The following HIVEP3 variants were observed in gnomAD, a reference collection of about 807,000 sequenced individuals.
HIVEP3 encodes HIVEP zinc finger 3.
Under a neutral mutation model 152.8 loss-of-function variants are expected in HIVEP3, and 49 were observed. That is an observed-to-expected ratio of 0.32 (90% CI 0.26 to 0.41). The LOEUF (loss-of-function observed/expected upper bound fraction) is 0.41. Ranked by LOEUF, HIVEP3 falls within the 10% of genes least tolerant of loss-of-function variation. The probability of loss-of-function intolerance (pLI) is 1.00; values close to 1 mark genes in which losing one functional copy is unlikely to be tolerated. For synonymous variants in HIVEP3, 1,269 were observed against 1,289.0 expected, an observed-to-expected ratio of 0.98 and a Z score of 0.33; for missense variants, 2,790 against 3,103.3, an observed-to-expected ratio of 0.90 and a Z score of 2.40.
Position 41,787,523 on chromosome 1 carries a change from T to TTTTC in HIVEP3, c.-800-86532_-800-86529dup, listed in dbSNP as rs992777095. On this transcript the variant is annotated intron_variant, in intron 1 of 8. Coordinates refer to ENST00000372583, the MANE Select transcript of HIVEP3 (RefSeq NM_024503.5). ...CATGCAAAGTGATTTTCTCTTTTCC[T>TTTTC]TTTCTTTCTTTCTTTTTTTTTTTTT... Among the ~76,000 whole-genome samples, 186 of 145,596 alleles carry TTTTC rather than the reference T, an allele frequency of 1.3e-3. 1 individual carries two copies. The highest frequency in any genetic ancestry group is 1.3e-3 in the Non-Finnish European group (87 of 67,622).
At chr1:41,982,384 C>T (rs1570865986) in intron 1 of HIVEP3, among the ~76,000 whole-genome samples, 1 of 152,300 alleles carries the variant, frequency 6.6e-6, no homozygotes, top group East Asian at 1.9e-4. Flanking sequence ...TGCTGTTGTA[C>T]TCAAAGGTTC....
chr1:42,007,557 G>T (rs1463476683), intron 1 of HIVEP3, among the ~76,000 whole-genome samples: 1 of 152,184 alleles, frequency 6.6e-6, no homozygotes, highest in African/African-American at 2.4e-5. Flanking sequence ...TCACTTAGGG[G>T]CAAGTCTTCT....
At chr1:41,571,144 A>C (rs1049643294) in intron 5 of HIVEP3, among the ~76,000 whole-genome samples, 1 of 152,010 alleles carries the variant, frequency 6.6e-6, no homozygotes, top group Non-Finnish European at 1.5e-5. Flanking sequence ...TCACCATCTG[A>C]ACTTATCATT....
rs141880311 is a variant in HIVEP3 at position 41,650,313 on chromosome 1, C to T, written c.-720-21366G>A. On this transcript the variant is annotated intron_variant, in intron 2 of 8. Coordinates refer to ENST00000372583, the MANE Select transcript of HIVEP3 (RefSeq NM_024503.5). ...GTGGCATGTGTTGACACTGCTGAAG[C>T]ACCATTGCGTGCTTACTGATCTCAC... 1.9e-4 allele frequency among the ~76,000 whole-genome samples: 29 copies of T among 152,292 alleles called. No individual in the cohort carries two copies. The East Asian group carries it at 5.4e-3, about 28-fold the overall frequency.
intron 3 of HIVEP3, among the ~76,000 whole-genome samples, chr1:41,611,976 C>T (rs1219589455): frequency 6.6e-6 from 1 of 152,088 alleles, no homozygotes; most frequent in Non-Finnish European, 1.5e-5. Flanking sequence ...TTCTTGATGG[C>T]CCAGGCTTTT....
intron 1 of HIVEP3, among the ~76,000 whole-genome samples, chr1:41,780,623 C>A (rs890515870): frequency 2.2e-4 from 34 of 152,148 alleles, no homozygotes; most frequent in African/African-American, 8.2e-4. Context: ...ACCTTCCTGC[C>A]CCACAGAGGT....
chr1:41,960,311 C>T (rs1570846350), intron 1 of HIVEP3, among the ~76,000 whole-genome samples: 1 of 152,174 alleles, frequency 6.6e-6, no homozygotes, highest in Non-Finnish European at 1.5e-5. Context: ...CAAGAAGAAT[C>T]CTGCAGAAGT....
chr1:41,769,977 TTTG>T (rs1430184316), intron 1 of HIVEP3, among the ~76,000 whole-genome samples: 1 of 152,154 alleles, frequency 6.6e-6, no homozygotes, highest in East Asian at 1.9e-4. Context: ...TGTTTGTTTG[TTTG>T]TTTTTTGAGA....
intron 1 of HIVEP3, among the ~76,000 whole-genome samples, chr1:41,885,539 G>A (rs1010050843): frequency 1.3e-5 from 2 of 152,290 alleles, no homozygotes; most frequent in Non-Finnish European, 2.9e-5. Flanking sequence ...GGTGGTGCAT[G>A]CCTGTAGTTC....
intron 5 of HIVEP3, among the ~76,000 whole-genome samples, chr1:41,528,817 C>T (rs1338924105): frequency 1.4e-5 from 2 of 140,354 alleles, no homozygotes; most frequent in Non-Finnish European, 3.1e-5. Flanking sequence ...CACTCCACAC[C>T]TTGCCTTCAC....
intron 1 of HIVEP3, among the ~76,000 whole-genome samples, chr1:41,840,711 C>T (rs899857822): frequency 6.6e-6 from 1 of 152,188 alleles, no homozygotes; most frequent in Non-Finnish European, 1.5e-5. Context: ...GCCAGTGACA[C>T]CCACGGAGCC....
rs1346119347 is a variant in HIVEP3, at chr1:41,664,877, AC to A, written c.-720-35931del. Among the ~76,000 whole-genome samples, 1 of 152,286 alleles carries A rather than the reference AC, an allele frequency of 6.6e-6. No individual in the cohort carries two copies. Among genetic ancestry groups the A allele is most frequent in the East Asian group, 1.9e-4 (1 of 5,188 alleles). ...GATATCCCCATGCCAACCCCCCAAA[AC>A]ACGGAGTCCTGAGCTGGCCCTAATG... is the stretch of plus-strand genomic sequence containing the variant. On this transcript the variant is annotated intron_variant, in intron 2 of 8. Transcript: ENST00000372583. This position sits in a 1 kb window ranked among gnomAD's most constrained non-coding sequence, Gnocchi z 4.4.
chr1:41,570,647 G>A (rs972072599), intron 5 of HIVEP3, among the ~76,000 whole-genome samples: 1 of 152,204 alleles, frequency 6.6e-6, no homozygotes, highest in African/African-American at 2.4e-5. Flanking sequence ...TACAGGCAGT[G>A]TCCAGGAAAC....
intron 1 of HIVEP3, among the ~76,000 whole-genome samples, chr1:42,014,591 C>T (rs1645511399): frequency 6.6e-6 from 1 of 152,104 alleles, no homozygotes; most frequent in Non-Finnish European, 1.5e-5. Flanking sequence ...TATTGTAGGT[C>T]CAGTGATGCC....
chr1:41,517,130 C>T (rs1162619403), intron 7 of HIVEP3, among the ~76,000 whole-genome samples: 1 of 152,234 alleles, frequency 6.6e-6, no homozygotes, highest in Non-Finnish European at 1.5e-5. Context: ...GTTTGCTCCA[C>T]TGGGAAAATG....
intron 3 of HIVEP3, among the ~76,000 whole-genome samples, chr1:41,610,051 C>G (rs910379728): frequency 2.6e-5 from 4 of 152,332 alleles, no homozygotes; most frequent in Admixed American, 2.6e-4. Context: ...TGCAGACTAC[C>G]TTTAGCCTTG....
At chr1:41,548,262 A>T (rs1643851860) in intron 5 of HIVEP3, among the ~76,000 whole-genome samples, 1 of 152,144 alleles carries the variant, frequency 6.6e-6, no homozygotes, top group African/African-American at 2.4e-5. Context: ...AGAATGACAC[A>T]TGCTGTGGTA....
At chr1:41,563,635 T>C (rs1644117250) in intron 5 of HIVEP3, among the ~76,000 whole-genome samples, 1 of 152,008 alleles carries the variant, frequency 6.6e-6, no homozygotes, top group Admixed American at 6.5e-5. Context: ...TCACTTCCAA[T>C]CATCTTTGAG....
At chr1:42,028,481 G>A (rs1447243656) in intron 1 of HIVEP3, among the ~76,000 whole-genome samples, 1 of 151,940 alleles carries the variant, frequency 6.6e-6, no homozygotes. Context: ...CCTTTCCAAG[G>A]TCACCACTTC....
Sources: gnomAD v4.1 joint callset for allele counts (sites outside exome capture counted in the v4.1 genomes callset) on GRCh38, gnomAD v4.1.1 for gene constraint, Gnocchi (gnomAD v3.1) non-coding constraint, MANE v1.5 for transcripts, NCBI Gene and HGNC (gene_info 2026-07-23, HGNC 2026-07-21) for gene names.